Variants in FAM162A observed in about 807,000 individuals in gnomAD.
FAM162A encodes the protein protein FAM162A.
Under a neutral mutation model 21.8 loss-of-function variants are expected in FAM162A, and 23 were observed. The ratio of observed to expected loss-of-function variants is 1.05; its 90% CI spans 0.76 to 1.49. FAM162A has a LOEUF of 1.49. Among genes scored for constraint, FAM162A ranks in the 40% most tolerant of loss-of-function variants. The pLI is 0.00. For missense variants in FAM162A, 165 were observed against 186.4 expected (o/e 0.89, Z 0.67); for synonymous variants, 53 against 61.3 (o/e 0.86, Z 0.64).
At chr3:122,393,885 G>A (rs1192790463) in intron 1 of FAM162A, among the ~76,000 whole-genome samples, 2 of 152,182 alleles carry the variant, frequency 1.3e-5, no homozygotes, top group African/African-American at 4.8e-5. Flanking sequence ...GTCCGAGCAC[G>A]AATGGAAGGT....
intron 1 of FAM162A, among the ~76,000 whole-genome samples, chr3:122,387,025 A>G (rs778682512): frequency 6.6e-6 from 1 of 152,184 alleles, no homozygotes; most frequent in Non-Finnish European, 1.5e-5. Flanking sequence ...ATAAGGGTAA[A>G]CACTGGCTCT....
chr3:122,401,602 T>A, intron 1 of FAM162A: 1 of 1,147,622 alleles, frequency 8.7e-7, no homozygotes, highest in Non-Finnish European at 1.1e-6. Context: ...ATCTGTGAAA[T>A]GTTGGAAGTA....
chr3:122,385,314 A>G (rs1364182623), intron 1 of FAM162A, among the ~76,000 whole-genome samples: 1 of 152,154 alleles, frequency 6.6e-6, no homozygotes, highest in Non-Finnish European at 1.5e-5. Context: ...CATGTCTCAA[A>G]CTAGAGAGTA....
intron 1 of FAM162A, among the ~76,000 whole-genome samples, chr3:122,402,348 C>T (rs915435569): frequency 6.6e-6 from 1 of 152,090 alleles, no homozygotes; most frequent in Non-Finnish European, 1.5e-5. Flanking sequence ...CTGACCACTG[C>T]AGCCCCCTAA....
At chr3:122,409,190 C>T (rs1339097902) in intron 4 of FAM162A, among the ~76,000 whole-genome samples, 1 of 152,088 alleles carries the variant, frequency 6.6e-6, no homozygotes. Context: ...GGGAAGAGGA[C>T]GGTTGCCTCC....
chr3:122,394,928 G>A (rs1344137692), intron 1 of FAM162A, among the ~76,000 whole-genome samples: 1 of 152,084 alleles, frequency 6.6e-6, no homozygotes, highest in Non-Finnish European at 1.5e-5. Context: ...AAAAATTATA[G>A]ACTGATCAAG....
At chr3:122,387,611 A>G (rs1341053498) in intron 1 of FAM162A, among the ~76,000 whole-genome samples, 1 of 152,134 alleles carries the variant, frequency 6.6e-6, no homozygotes, top group East Asian at 1.9e-4. Flanking sequence ...TGTTCTTGCT[A>G]ACCAAACCTA....
chr3:122,407,839 C>T (rs1439622032), intron 4 of FAM162A: 7 of 184,092 alleles, frequency 3.8e-5, no homozygotes, highest in Non-Finnish European at 5.7e-5. Flanking sequence ...TGTCTAAGGA[C>T]CACAGCTCCT....
At chr3:122,394,171 G>A (rs1046442830) in intron 1 of FAM162A, among the ~76,000 whole-genome samples, 3 of 152,078 alleles carry the variant, frequency 2.0e-5, no homozygotes, top group African/African-American at 7.2e-5. Context: ...CTATCACGAG[G>A]ACAGCACCAA....
intron 3 of FAM162A, among the ~76,000 whole-genome samples, chr3:122,405,512 C>T (rs1449833413): frequency 6.6e-6 from 1 of 152,194 alleles, no homozygotes; most frequent in East Asian, 1.9e-4. Flanking sequence ...ATAACAGTGA[C>T]ATCAGGTTCT....
intron 1 of FAM162A, among the ~76,000 whole-genome samples, chr3:122,402,230 AT>A (rs928048171): frequency 1.7e-4 from 25 of 151,202 alleles, no homozygotes; most frequent in African/African-American, 6.1e-4. Flanking sequence ...AACTATATAT[AT>A]TATATATATA....
Position 122,384,335 on chromosome 3 carries a change from C to T in FAM162A, c.34+36C>T, listed in dbSNP as rs1247247508. The T allele has an allele frequency of 2.6e-6, 4 of 1,561,992 alleles. 1 individual carries two copies. The highest frequency in any genetic ancestry group is 3.5e-6 in the Non-Finnish European group (4 of 1,153,394). On this transcript the variant is annotated intron_variant, in intron 1 of 4. Coordinates refer to ENST00000477892, the MANE Select transcript of FAM162A (RefSeq NM_014367.4). ...GGTCGGGATATGGGAGGTAGGGGAGCTGGCCCGGCCGCTGCGGGTGGGGGA... is the reference window on the plus strand; with the variant it reads ...GGTCGGGATATGGGAGGTAGGGGAGTTGGCCCGGCCGCTGCGGGTGGGGGA...
intron 1 of FAM162A, among the ~76,000 whole-genome samples, chr3:122,401,083 AT>A (rs1463328971): frequency 6.6e-6 from 1 of 152,174 alleles, no homozygotes; most frequent in Non-Finnish European, 1.5e-5. Context: ...AAGTTGAGTA[AT>A]AACTGTAATG....
In FAM162A at chr3:122,412,171, G is replaced by C. The variant is rs2075708895; in HGVS notation, c.*2340G>C. On this transcript the variant is annotated 3_prime_UTR_variant, in exon 5 of 5. Transcript: ENST00000477892. ...ACAAACTACAAAAGGAGACAGTTTT[G>C]CCCTTGTTGCTTTCAGTTAAATTAT... is the stretch of plus-strand genomic sequence containing the variant. 1 of 152,058 alleles carries C rather than the reference G, an allele frequency of 6.6e-6. No homozygotes were observed. The highest frequency in any genetic ancestry group is 6.5e-5 in the Admixed American group (1 of 15,274). 9.4% of individuals were successfully genotyped at this position (152,058 alleles called of 1,614,324 possible). A position where few individuals can be genotyped will look rare whatever the true frequency, so the allele number is the denominator to read the frequency against.
intron 1 of FAM162A, chr3:122,401,638 TA>T (rs763301833): frequency 0.062 from 36,220 of 582,618 alleles, 15 homozygotes; most frequent in South Asian, 0.091. Context: ...AGTATATATC[TA>T]AAAAAAAAAA....
chr3:122,405,308 G>C (rs141516974), intron 3 of FAM162A, among the ~76,000 whole-genome samples: 15 of 152,266 alleles, frequency 9.9e-5, no homozygotes, highest in African/African-American at 3.6e-4. Context: ...AAAGATCTGA[G>C]CTCATTCAGG....
At chr3:122,402,694 C>A in intron 1 of FAM162A, 66 bp from the exon 2 acceptor site, 10 of 1,429,486 alleles carry the variant, frequency 7.0e-6, no homozygotes, top group Non-Finnish European at 9.3e-6. Flanking sequence ...GCGGGTATTT[C>A]TTATTTTGAG....
chr3:122,401,047 A>C (rs2075651101), intron 1 of FAM162A, among the ~76,000 whole-genome samples: 1 of 152,230 alleles, frequency 6.6e-6, no homozygotes, highest in African/African-American at 2.4e-5. Flanking sequence ...AATATTTGCC[A>C]GCAAGAGTCT....
At chr3:122,406,045 C>T (rs1257682339) in intron 3 of FAM162A, among the ~76,000 whole-genome samples, 1 of 152,220 alleles carries the variant, frequency 6.6e-6, no homozygotes, top group African/African-American at 2.4e-5. Context: ...CCACCTGCAA[C>T]ATCCCAGACT....
Sources: gnomAD v4.1 joint callset for allele counts (sites outside exome capture counted in the v4.1 genomes callset) on GRCh38, gnomAD v4.1.1 for gene constraint, MANE v1.5 for transcripts, NCBI Gene and HGNC (gene_info 2026-07-23, HGNC 2026-07-21) for gene names.